Variants in IGSF21 observed in about 807,000 individuals in gnomAD.
IGSF21 encodes immunoglobin superfamily member 21.
IGSF21 carries 28 observed loss-of-function variants against 46.8 expected under a neutral mutation model. That is an observed-to-expected ratio of 0.60 (90% CI 0.44 to 0.82). The LOEUF is 0.82. IGSF21 is among the 40% of genes least tolerant of loss of function. The probability of loss-of-function intolerance (pLI) is 0.00; values close to 1 mark genes in which losing one functional copy is unlikely to be tolerated. For missense variants in IGSF21, 624 were observed against 665.5 expected, an observed-to-expected ratio of 0.94 and a Z score of 0.69; for synonymous variants, 284 against 273.6, an observed-to-expected ratio of 1.04 and a Z score of -0.38.
In IGSF21 at chr1:18,290,389, T is replaced by A. The variant is rs1224399166; in HGVS notation, c.184-1477T>A. ...GGAGGGGTGTGGGCTTACGGAGGGG[T>A]AAGGAGAAGCCGTGCCCTGGGAAGT... On this transcript the variant is annotated intron_variant, in intron 2 of 9. Transcript: ENST00000251296. The surrounding 1 kb of genome is among the most constrained non-coding windows in gnomAD (Gnocchi z 4.2). 6.6e-6 allele frequency among the ~76,000 whole-genome samples: 1 copy of A among 151,944 alleles called. No homozygotes were observed. The highest frequency in any genetic ancestry group is 1.5e-5 in the Non-Finnish European group (1 of 67,972).
chr1:18,128,435 G>A (rs138055844), intron 1 of IGSF21, among the ~76,000 whole-genome samples: 14 of 152,292 alleles, frequency 9.2e-5, no homozygotes, highest in Non-Finnish European at 1.3e-4. Flanking sequence ...CAGGGCGTAT[G>A]TTTGTAGCTG....
chr1:18,257,185 A>T (rs542989755), intron 2 of IGSF21, among the ~76,000 whole-genome samples: 1 of 152,286 alleles, frequency 6.6e-6, no homozygotes, highest in African/African-American at 2.4e-5. Context: ...TTATTTTTTA[A>T]AGAAAACACA....
intron 1 of IGSF21, among the ~76,000 whole-genome samples, chr1:18,169,838 G>A (rs1382487255): frequency 6.6e-6 from 1 of 152,148 alleles, no homozygotes; most frequent in Non-Finnish European, 1.5e-5. Context: ...GCTGCCTGTT[G>A]ATGGGGGAGG....
At chr1:18,278,526 GTTTT>G (rs200294798) in intron 2 of IGSF21, among the ~76,000 whole-genome samples, 36 of 132,960 alleles carry the variant, frequency 2.7e-4, no homozygotes, top group African/African-American at 8.2e-4. Flanking sequence ...CAGGTGTAAG[GTTTT>G]TTTTGTTTGT....
chr1:18,343,691 G>A (rs187186804), intron 4 of IGSF21, among the ~76,000 whole-genome samples: 23 of 152,308 alleles, frequency 1.5e-4, no homozygotes, highest in East Asian at 5.8e-4. Flanking sequence ...ACCATTTGTC[G>A]AACACACTAT....
intron 1 of IGSF21, among the ~76,000 whole-genome samples, chr1:18,117,849 A>G (rs983419832): frequency 1.3e-5 from 2 of 152,192 alleles, no homozygotes; most frequent in Non-Finnish European, 1.5e-5. Context: ...CTCTCTCCCC[A>G]TTTTACAGAC....
At chr1:18,292,837 C>T (rs2085279993) in intron 3 of IGSF21, among the ~76,000 whole-genome samples, 4 of 152,224 alleles carry the variant, frequency 2.6e-5, no homozygotes, top group Admixed American at 2.0e-4. Flanking sequence ...AGTACCCACC[C>T]CTCCTCAGAG....
intron 4 of IGSF21, among the ~76,000 whole-genome samples, chr1:18,350,924 G>A (rs9660489): frequency 0.022 from 3,341 of 151,872 alleles, 114 homozygotes; most frequent in African/African-American, 0.075. Context: ...ATCGGCAGGC[G>A]TGGCCCAGTG....
intron 4 of IGSF21, 145 bp from the exon 5 acceptor site, chr1:18,361,970 C>T (rs751029266): frequency 3.7e-5 from 23 of 615,224 alleles, no homozygotes; most frequent in Non-Finnish European, 5.6e-5. Flanking sequence ...TAGTGGATAC[C>T]AATGGCACCC....
chr1:18,353,993 G>C (rs1031109095), intron 4 of IGSF21, among the ~76,000 whole-genome samples: 4 of 152,226 alleles, frequency 2.6e-5, no homozygotes, highest in Non-Finnish European at 5.9e-5. Flanking sequence ...CTAGCTCTGA[G>C]GCTAGGTGGA....
intron 3 of IGSF21, among the ~76,000 whole-genome samples, chr1:18,318,607 T>C (rs763698057): frequency 3.9e-5 from 6 of 152,018 alleles, no homozygotes; most frequent in Non-Finnish European, 5.9e-5. Context: ...GCCACCCCAC[T>C]TCTTCCATGG....
chr1:18,214,440 A>G (rs115708523), intron 1 of IGSF21, among the ~76,000 whole-genome samples: 383 of 152,344 alleles, frequency 2.5e-3, no homozygotes, highest in African/African-American at 8.6e-3. Context: ...TGGGAAATCT[A>G]TAGCTCAATA....
At chr1:18,283,147 C>T (rs1240761579) in intron 2 of IGSF21, among the ~76,000 whole-genome samples, 1 of 152,230 alleles carries the variant, frequency 6.6e-6, no homozygotes, top group Admixed American at 6.5e-5. Context: ...CACTCTCCCC[C>T]CAGCCCCCAG....
intron 1 of IGSF21, among the ~76,000 whole-genome samples, chr1:18,200,559 G>A (rs1462651537): frequency 6.6e-6 from 1 of 152,130 alleles, no homozygotes; most frequent in Non-Finnish European, 1.5e-5. Flanking sequence ...CTGCCATCAC[G>A]TGGCCTGCTC....
chr1:18,332,826 G>A (rs1473752148), intron 3 of IGSF21, among the ~76,000 whole-genome samples: 1 of 152,200 alleles, frequency 6.6e-6, no homozygotes, highest in Non-Finnish European at 1.5e-5. Flanking sequence ...TGTGTGCTGG[G>A]TGGTGGGAGG....
intron 1 of IGSF21, among the ~76,000 whole-genome samples, chr1:18,181,697 C>T (rs961681798): frequency 6.6e-6 from 1 of 152,056 alleles, no homozygotes; most frequent in Non-Finnish European, 1.5e-5. Flanking sequence ...ACAGGGGAGG[C>T]CTTCTGAATA....
rs1014887864 is a variant in IGSF21, at chr1:18,222,167, G to A, written c.71-5731G>A. 2.0e-4 allele frequency among the ~76,000 whole-genome samples: 30 copies of A among 152,104 alleles called. 3 individuals are homozygous for A. Among genetic ancestry groups the A allele is most frequent in the Admixed American group, 1.4e-3 (21 of 15,268 alleles). On this transcript the variant is annotated intron_variant, in intron 1 of 9. Coordinates refer to ENST00000251296, the MANE Select transcript of IGSF21 (RefSeq NM_032880.5). ...GGGCTCCATAGGAGGGATGAACCCCGAAGTGCTTCCATTCAGAAACCTCTC... is the reference window on the plus strand; with the variant it reads ...GGGCTCCATAGGAGGGATGAACCCCAAAGTGCTTCCATTCAGAAACCTCTC...
chr1:18,249,877 A>G (rs980010387), intron 2 of IGSF21, among the ~76,000 whole-genome samples: 1 of 152,120 alleles, frequency 6.6e-6, no homozygotes, highest in African/African-American at 2.4e-5. Context: ...GTGTGTCTTC[A>G]GCCTCATTTC....
chr1:18,242,271 C>G (rs1279364939), intron 2 of IGSF21, among the ~76,000 whole-genome samples: 1 of 152,116 alleles, frequency 6.6e-6, no homozygotes, highest in African/African-American at 2.4e-5. Context: ...GGCCCCTTCT[C>G]CCCCACGCTG....
Sources: gnomAD v4.1 joint callset for allele counts (sites outside exome capture counted in the v4.1 genomes callset) on GRCh38, gnomAD v4.1.1 for gene constraint, Gnocchi (gnomAD v3.1) non-coding constraint, MANE v1.5 for transcripts, NCBI Gene and HGNC (gene_info 2026-07-23, HGNC 2026-07-21) for gene names.